RABGAP1L: variants seen among roughly 807,000 people sequenced by gnomAD.
The protein encoded by RABGAP1L is RAB GTPase activating protein 1 like.
Under a neutral mutation model 137.7 loss-of-function variants are expected in RABGAP1L, and 63 were observed. The ratio of observed to expected loss-of-function variants is 0.46; its 90% CI spans 0.37 to 0.56. The LOEUF (loss-of-function observed/expected upper bound fraction) is 0.56. Ranked by LOEUF, RABGAP1L falls within the 20% of genes least tolerant of loss-of-function variation. The pLI, the probability that RABGAP1L is intolerant of heterozygous loss-of-function variation, is 0.00. For missense variants in RABGAP1L, 1,095 were observed against 1,244.0 expected (o/e 0.88, Z 1.80); for synonymous variants, 431 against 433.7 (o/e 0.99, Z 0.08).
intron 9 of RABGAP1L, among the ~76,000 whole-genome samples, chr1:174,277,402 A>T (rs972929490): frequency 5.3e-5 from 8 of 152,058 alleles, no homozygotes; most frequent in Admixed American, 3.3e-4. Flanking sequence ...AATTTTGCAT[A>T]TCAAGTTATA....
At chr1:174,334,978 C>T (rs1681350853) in intron 11 of RABGAP1L, among the ~76,000 whole-genome samples, 1 of 152,088 alleles carries the variant, frequency 6.6e-6, no homozygotes, top group South Asian at 2.1e-4. Context: ...GAGCAAGTCA[C>T]TGAATTTTTG....
intron 20 of RABGAP1L, among the ~76,000 whole-genome samples, chr1:174,968,773 A>G (rs964846183): frequency 2.6e-5 from 4 of 152,200 alleles, no homozygotes; most frequent in Admixed American, 6.5e-5. Context: ...TCATGAACCC[A>G]TGTGTCATGA....
rs529899831 is a variant in RABGAP1L at position 174,503,087 on chromosome 1, T to C, written c.1710+108942T>C. On this transcript the variant is annotated intron_variant, in intron 13 of 25. Coordinates refer to ENST00000681986, the MANE Select transcript of RABGAP1L (RefSeq NM_001366446.1). Reference sequence around the variant, plus strand: ...TGGTGGGTGGGTAAGTGCTGTATTCTCATCTTCCATGTTGCGAAGTCAGTA... The same window carrying C: ...TGGTGGGTGGGTAAGTGCTGTATTCCCATCTTCCATGTTGCGAAGTCAGTA... Among the ~76,000 whole-genome samples the C allele has an allele frequency of 5.9e-5, 9 of 152,266 alleles. 1 individual carries two copies. In the South Asian group the frequency reaches 1.7e-3, roughly 28 times the overall value.
intron 13 of RABGAP1L, among the ~76,000 whole-genome samples, chr1:174,481,905 A>G (rs1659139771): frequency 6.7e-6 from 1 of 148,358 alleles, no homozygotes. Flanking sequence ...AAAAAAAAGA[A>G]AAAAAAAAGA....
chr1:174,215,979 C>G (rs749907445), intron 1 of RABGAP1L, among the ~76,000 whole-genome samples: 13 of 152,216 alleles, frequency 8.5e-5, no homozygotes, highest in Middle Eastern at 3.4e-3. Context: ...AGAAGGAGAT[C>G]CTGTCATTTT....
At chr1:174,664,734 CTT>C (rs71701825) in intron 14 of RABGAP1L, among the ~76,000 whole-genome samples, 95 of 97,576 alleles carry the variant, frequency 9.7e-4, no homozygotes, top group African/African-American at 4.3e-3. Flanking sequence ...TTTCTGCTTT[CTT>C]TTTTTTTTTT....
chr1:174,359,275 C>T (rs185220197), intron 11 of RABGAP1L, among the ~76,000 whole-genome samples: 1 of 152,116 alleles, frequency 6.6e-6, no homozygotes, highest in Admixed American at 6.5e-5. Context: ...TTAGTTTATT[C>T]ATCCTATCTA....
At chr1:174,362,409 G>A (rs551133342) in intron 11 of RABGAP1L, among the ~76,000 whole-genome samples, 2 of 152,292 alleles carry the variant, frequency 1.3e-5, no homozygotes, top group Admixed American at 6.5e-5. Flanking sequence ...CAGTGTATAA[G>A]CATTTCTTTT....
chr1:174,601,002 A>T (rs1670367268), intron 13 of RABGAP1L, among the ~76,000 whole-genome samples: 1 of 152,146 alleles, frequency 6.6e-6, no homozygotes, highest in Non-Finnish European at 1.5e-5. Context: ...GCATTTCCAT[A>T]CATCTTCTGA....
At chr1:174,585,749 G>A (rs1335179572) in intron 13 of RABGAP1L, among the ~76,000 whole-genome samples, 2 of 152,200 alleles carry the variant, frequency 1.3e-5, no homozygotes, top group Middle Eastern at 3.2e-3. Flanking sequence ...TGGTGGCATG[G>A]CAAGTTGTCA....
At chr1:174,767,130 T>A (rs1174235947) in intron 18 of RABGAP1L, among the ~76,000 whole-genome samples, 1 of 152,232 alleles carries the variant, frequency 6.6e-6, no homozygotes, top group African/African-American at 2.4e-5. Flanking sequence ...ATTTGATTGA[T>A]GTCTCATGTC....
chr1:174,718,919 A>AC (rs1489218087), intron 17 of RABGAP1L, among the ~76,000 whole-genome samples: 2 of 149,814 alleles, frequency 1.3e-5, no homozygotes, highest in Non-Finnish European at 3.0e-5. Context: ...GGCTCACCAC[A>AC]ACCTCTGCTT....
intron 19 of RABGAP1L, among the ~76,000 whole-genome samples, chr1:174,827,507 G>A (rs759379319): frequency 1.6e-5 from 2 of 122,442 alleles, no homozygotes; most frequent in Non-Finnish European, 3.7e-5. Flanking sequence ...GTAACTGAGT[G>A]CGCATTTCTT....
rs376047757 is a variant in RABGAP1L at position 174,611,772 on chromosome 1, G to A, written c.1711-25603G>A. On this transcript the variant is annotated intron_variant, in intron 13 of 25. Coordinates refer to ENST00000681986, the MANE Select transcript of RABGAP1L (RefSeq NM_001366446.1). ...AGTTCTCCTTGAAGAGGTCCTTCAC[G>A]TCCCTTTTAAGTTGGATTCCCAGGT... Among the ~76,000 whole-genome samples the A allele has an allele frequency of 5.2e-3, 784 of 152,030 alleles. 9 individuals are homozygous for A. Among genetic ancestry groups the A allele is most frequent in the East Asian group, 0.03 (157 of 5,170 alleles).
intron 13 of RABGAP1L, among the ~76,000 whole-genome samples, chr1:174,426,826 T>A (rs1392203270): frequency 1.3e-5 from 2 of 152,160 alleles, no homozygotes; most frequent in East Asian, 3.9e-4. Context: ...AAAGCTTTAC[T>A]ATTTGAATAA....
At chr1:174,841,805 TA>T (rs1693436479) in intron 19 of RABGAP1L, among the ~76,000 whole-genome samples, 1 of 151,638 alleles carries the variant, frequency 6.6e-6, no homozygotes, top group Non-Finnish European at 1.5e-5. Context: ...ATTGAAAAAA[TA>T]AATACTAACT....
chr1:174,397,621 A>G (rs1204045383), intron 13 of RABGAP1L, among the ~76,000 whole-genome samples: 1 of 152,168 alleles, frequency 6.6e-6, no homozygotes, highest in Non-Finnish European at 1.5e-5. Flanking sequence ...AGTTTACCTG[A>G]TTAAACCCTG....
intron 19 of RABGAP1L, among the ~76,000 whole-genome samples, chr1:174,948,171 C>T (rs375674290): frequency 1.8e-4 from 27 of 152,022 alleles, no homozygotes; most frequent in Admixed American, 4.6e-4. Context: ...TGTATGATAG[C>T]GCAGCAGGAT....
chr1:174,772,490 C>T (rs1359898503), intron 18 of RABGAP1L, among the ~76,000 whole-genome samples: 1 of 142,890 alleles, frequency 7.0e-6, no homozygotes, highest in Non-Finnish European at 1.5e-5. Flanking sequence ...ATCGCTTGAA[C>T]CCGGGAGGCG....
Sources: gnomAD v4.1 joint callset for allele counts (sites outside exome capture counted in the v4.1 genomes callset) on GRCh38, gnomAD v4.1.1 for gene constraint, MANE v1.5 for transcripts, NCBI Gene and HGNC (gene_info 2026-07-23, HGNC 2026-07-21) for gene names.